Variants in STK38L observed in about 807,000 individuals in gnomAD.
STK38L encodes serine/threonine kinase 38 like, also known as serine/threonine-protein kinase 38-like.
A neutral mutation model predicts 59.7 loss-of-function variants in STK38L; 28 were observed. The observed-to-expected ratio is 0.47, with a 90% CI of 0.35 to 0.64. The LOEUF is 0.64. Among genes scored for constraint, STK38L ranks in the 30% least tolerant of loss-of-function variants. The probability of loss-of-function intolerance (pLI) is 0.01; values close to 1 mark genes in which losing one functional copy is unlikely to be tolerated. For synonymous variants in STK38L, 162 were observed against 176.8 expected (o/e 0.92, Z 0.66); for missense variants, 314 against 555.8 (o/e 0.56, Z 4.37).
At chr12:27,259,919 C>A (rs1943169711) in intron 1 of STK38L, among the ~76,000 whole-genome samples, 1 of 152,122 alleles carries the variant, frequency 6.6e-6, no homozygotes, top group African/African-American at 2.4e-5. Flanking sequence ...GCTCTTTGTG[C>A]AGCCAGTCTT....
chr12:27,275,780 C>T (rs1218109781), intron 1 of STK38L, among the ~76,000 whole-genome samples: 2 of 152,194 alleles, frequency 1.3e-5, no homozygotes, highest in African/African-American at 4.8e-5. Context: ...AAGATACTCC[C>T]ATATGGTCAC....
intron 1 of STK38L, among the ~76,000 whole-genome samples, chr12:27,296,693 A>G (rs1458349152): frequency 6.6e-6 from 1 of 152,234 alleles, no homozygotes; most frequent in East Asian, 1.9e-4. Flanking sequence ...TACGATCTTC[A>G]TCTAGATAAG....
intron 3 of STK38L, among the ~76,000 whole-genome samples, chr12:27,305,355 A>G (rs1316798382): frequency 1.3e-5 from 2 of 152,232 alleles, no homozygotes; most frequent in African/African-American, 4.8e-5. Flanking sequence ...AAAATAGGAG[A>G]TGATTTTTCC....
intron 9 of STK38L, among the ~76,000 whole-genome samples, chr12:27,315,606 C>A (rs1320523000): frequency 6.6e-6 from 1 of 152,132 alleles, no homozygotes; most frequent in African/African-American, 2.4e-5. Flanking sequence ...TAGTAATTAG[C>A]ACTTTAAATA....
rs981886996 is a variant in STK38L, at chr12:27,308,940, A to T, written c.310-174A>T. 1.2e-4 allele frequency among the ~76,000 whole-genome samples: 18 copies of T among 144,760 alleles called. No homozygotes were observed. The highest frequency in any genetic ancestry group is 2.1e-4 in the Admixed American group (3 of 14,338). 95.0% of individuals were successfully genotyped at this position (144,760 alleles called of 152,430 possible). Reference sequence around the variant, plus strand: ...TATTAATATATATAAAATATATATAAATATATATATAACATATATAAAAAT... The same window carrying T: ...TATTAATATATATAAAATATATATATATATATATATAACATATATAAAAAT... On this transcript the variant is annotated intron_variant, in intron 4 of 13. Transcript: ENST00000389032. This position sits in a 1 kb window ranked among gnomAD's most constrained non-coding sequence, Gnocchi z 4.5.
At chr12:27,273,464 A>G (rs1285608244) in intron 1 of STK38L, among the ~76,000 whole-genome samples, 1 of 152,032 alleles carries the variant, frequency 6.6e-6, no homozygotes, top group Non-Finnish European at 1.5e-5. Flanking sequence ...CTGTTGCAAA[A>G]TGGCAGTAAC....
chr12:27,270,010 C>G (rs11048955), intron 1 of STK38L, among the ~76,000 whole-genome samples: 1 of 151,916 alleles, frequency 6.6e-6, no homozygotes, highest in Non-Finnish European at 1.5e-5. Context: ...AAAATTAACT[C>G]ATTTAATCCC....
chr12:27,319,315 T>C lies in STK38L; in HGVS notation c.1080-13T>C, dbSNP rs748044210. On this transcript the variant is annotated splice_polypyrimidine_tract_variant and intron_variant, in intron 11 of 13. Coordinates refer to ENST00000389032, the MANE Select transcript of STK38L (RefSeq NM_015000.4). Reference sequence around the variant, plus strand: ...AACTTGTGTATGATAATTTCTCTGTTTCCATGTTGTAGATTTTGTATTGAT... The same window carrying C: ...AACTTGTGTATGATAATTTCTCTGTCTCCATGTTGTAGATTTTGTATTGAT... 1.1e-5 allele frequency: 17 copies of C among 1,564,548 alleles called. No homozygotes were observed. The highest frequency in any genetic ancestry group is 1.7e-4 in the Middle Eastern group (1 of 5,976).
At chr12:27,289,981 A>G (rs1943860365) in intron 1 of STK38L, among the ~76,000 whole-genome samples, 1 of 152,228 alleles carries the variant, frequency 6.6e-6, no homozygotes, top group African/African-American at 2.4e-5. Flanking sequence ...AAATTTACAA[A>G]CTAACTGACA....
chr12:27,306,232 G>T (rs1421868593), intron 3 of STK38L, among the ~76,000 whole-genome samples: 1 of 152,054 alleles, frequency 6.6e-6, no homozygotes, highest in Non-Finnish European at 1.5e-5. Context: ...TGTGTATAGT[G>T]ATGTCATCTT....
chr12:27,320,343 C>A (rs554177906), intron 12 of STK38L, among the ~76,000 whole-genome samples: 1 of 151,274 alleles, frequency 6.6e-6, no homozygotes, highest in Non-Finnish European at 1.5e-5. Context: ...CATGGCTCAC[C>A]GCAGCCTCGA....
At chr12:27,271,716 T>C (rs1001748426) in intron 1 of STK38L, among the ~76,000 whole-genome samples, 2 of 152,208 alleles carry the variant, frequency 1.3e-5, no homozygotes, top group Non-Finnish European at 2.9e-5. Flanking sequence ...ATTTTTTATT[T>C]TGAGACGGAG....
chr12:27,245,460 CTACTT>C (rs1159370745), intron 1 of STK38L, among the ~76,000 whole-genome samples: 3 of 152,160 alleles, frequency 2.0e-5, no homozygotes, highest in African/African-American at 7.2e-5. Flanking sequence ...ACCGGTCTCT[CTACTT>C]TAAGGCAGGG....
Position 27,275,194 on chromosome 12 carries a change from G to A in STK38L, c.-11-22516G>A, listed in dbSNP as rs557533074. ...CTCATCTCCTGCCACTTTTTCTCTC[G>A]CCCCTTCATACAAAATTATTTACAA... On this transcript the variant is annotated intron_variant, in intron 1 of 13. Coordinates refer to ENST00000389032, the MANE Select transcript of STK38L (RefSeq NM_015000.4). 8.6e-5 allele frequency among the ~76,000 whole-genome samples: 13 copies of A among 151,576 alleles called. No homozygotes were observed. The East Asian group carries it at 9.7e-4, about 11-fold the overall frequency.
chr12:27,318,125 T>TCCCCTCTTCCCCC lies in STK38L; in HGVS notation c.1079+106_1079+107insCCCCTCTTCCCCC, dbSNP rs1944631992. 3 of 1,351,134 alleles carry TCCCCTCTTCCCCC rather than the reference T, an allele frequency of 2.2e-6. No homozygotes were observed. The East Asian group carries it at 7.1e-5, about 32-fold the overall frequency. 83.7% of individuals were successfully genotyped at this position (1,351,134 alleles called of 1,614,324 possible). The stretch of plus-strand genomic sequence containing the variant: ...GGGAAGAGGGGATACCACTGATGTA[T>TCCCCTCTTCCCCC]ACAGTCAAAGAGATCAATAAAGGTG... On this transcript the variant is annotated intron_variant, in intron 11 of 13. Transcript: ENST00000389032.
intron 1 of STK38L, among the ~76,000 whole-genome samples, chr12:27,295,541 C>T (rs1038464714): frequency 3.9e-5 from 6 of 152,178 alleles, no homozygotes; most frequent in Admixed American, 3.3e-4. Context: ...ACTGTTACTG[C>T]GCCCCCTCCC....
intron 1 of STK38L, among the ~76,000 whole-genome samples, chr12:27,250,923 C>T (rs992980104): frequency 6.7e-6 from 1 of 149,548 alleles, no homozygotes; most frequent in Non-Finnish European, 1.5e-5. Context: ...GGCGTCAACC[C>T]GGGAGGTGGA....
At chr12:27,249,571 C>T (rs1052513365) in intron 1 of STK38L, among the ~76,000 whole-genome samples, 6 of 152,300 alleles carry the variant, frequency 3.9e-5, no homozygotes, top group East Asian at 1.9e-4. Flanking sequence ...CTCCCGACCT[C>T]AGGTGATCCG....
At chr12:27,289,909 A>G (rs973826964) in intron 1 of STK38L, among the ~76,000 whole-genome samples, 45 of 152,294 alleles carry the variant, frequency 3.0e-4, no homozygotes, top group Admixed American at 2.7e-3. Flanking sequence ...CATTAGAAGT[A>G]ATCTAATTTG....
Sources: allele counts gnomAD v4.1 joint callset (sites outside exome capture counted in the v4.1 genomes callset), GRCh38; gene constraint gnomAD v4.1.1; non-coding constraint Gnocchi (gnomAD v3.1); transcripts MANE v1.5; gene names NCBI Gene and HGNC (gene_info 2026-07-23, HGNC 2026-07-21).